DMXL2: variants seen among roughly 807,000 people sequenced by gnomAD.
DMXL2 encodes the protein dmX-like protein 2.
Under a neutral mutation model 331.1 loss-of-function variants are expected in DMXL2, and 103 were observed. The ratio of observed to expected loss-of-function variants is 0.31; its 90% confidence interval spans 0.27 to 0.37. The LOEUF (loss-of-function observed/expected upper bound fraction) is 0.37. Among genes scored for constraint, DMXL2 ranks in the 10% least tolerant of loss-of-function variants. The pLI is 1.00. For missense variants in DMXL2, 3,171 were observed against 3,642.9 expected (o/e 0.87, Z 3.33); for synonymous variants, 1,281 against 1,252.1 (o/e 1.02, Z -0.49).
rs3078066 is a variant in DMXL2 at position 51,576,183 on chromosome 15, TA to T, written c.88-3del. On this transcript the variant is annotated splice_region_variant and splice_polypyrimidine_tract_variant and intron_variant, in intron 1 of 43. Transcript: ENST00000560891. ...AATATCACAGCCTGATCCATATGCC[TA>T]AAAAAAAAAAAAAAAAAAAGTTTTA... The T allele has an allele frequency of 0.22, 135,615 of 611,148 alleles. 69 individuals carry two copies. Among genetic ancestry groups the T allele is most frequent in the Middle Eastern group, 0.25 (487 of 1,976 alleles). The allele number at this position is 611,148 out of a possible 1,614,324, so 37.9% of individuals were successfully genotyped here. A position where few individuals can be genotyped will look rare whatever the true frequency, so the allele number is the denominator to read the frequency against.
chr15:51,514,423 G>T lies in DMXL2; in HGVS notation c.2644+19C>A. On this transcript the variant is annotated intron_variant, in intron 15 of 43. Coordinates refer to ENST00000560891, the MANE Select transcript of DMXL2 (RefSeq NM_001378457.1). ...TTTAGCATGAAGGTAAACAAATGCA[G>T]ACTATTTTTTTAAAGTACCTTGTGA... 7.3e-7 allele frequency: 1 copy of T among 1,362,368 alleles called. No individual in the cohort carries two copies. The highest frequency in any genetic ancestry group is 1.3e-5 in the South Asian group (1 of 79,668). 84.4% of individuals were successfully genotyped at this position (1,362,368 alleles called of 1,614,324 possible). A position where few individuals can be genotyped will look rare whatever the true frequency, so the allele number is the denominator to read the frequency against.
At chr15:51,580,285 A>G (rs550969606) in intron 1 of DMXL2, among the ~76,000 whole-genome samples, 3 of 152,312 alleles carry the variant, frequency 2.0e-5, no homozygotes, top group South Asian at 4.1e-4. Flanking sequence ...GGTGTTCGTT[A>G]AGACTACAAG....
rs780948604 is a variant in DMXL2 at position 51,576,007 on chromosome 15, A to C, written c.213+49T>G. The C allele has an allele frequency of 2.6e-6, 4 of 1,529,862 alleles. No individual in the cohort carries two copies. In the South Asian group the frequency reaches 4.6e-5, roughly 18 times the overall value. The allele number at this position is 1,529,862 out of a possible 1,614,324, so 94.8% of individuals were successfully genotyped here. ...AAAAGGATAAGAAGATTCTGAGATTATTAAACACATTTTTAAATGACATTC... is the reference window on the plus strand; with the variant it reads ...AAAAGGATAAGAAGATTCTGAGATTCTTAAACACATTTTTAAATGACATTC... On this transcript the variant is annotated intron_variant, in intron 2 of 43. Coordinates refer to ENST00000560891, the MANE Select transcript of DMXL2 (RefSeq NM_001378457.1).
intron 23 of DMXL2, among the ~76,000 whole-genome samples, chr15:51,482,795 A>C (rs2042108363): frequency 6.6e-6 from 1 of 152,236 alleles, no homozygotes; most frequent in African/African-American, 2.4e-5. Flanking sequence ...ATAAACCAAG[A>C]GAATGATGCC....
intron 31 of DMXL2, among the ~76,000 whole-genome samples, chr15:51,465,154 A>C (rs138406309): frequency 9.2e-4 from 140 of 152,268 alleles, no homozygotes; most frequent in African/African-American, 3.3e-3. Flanking sequence ...TCAGCACTTT[A>C]GGAGGCCAAG....
chr15:51,532,549 C>T (rs2048063416), intron 13 of DMXL2, among the ~76,000 whole-genome samples: 1 of 152,088 alleles, frequency 6.6e-6, no homozygotes, highest in Non-Finnish European at 1.5e-5. Flanking sequence ...ATTTGTAACA[C>T]AAAGGATAAA....
At chr15:51,608,242 A>T (rs1040347391) in intron 1 of DMXL2, among the ~76,000 whole-genome samples, 2 of 152,140 alleles carry the variant, frequency 1.3e-5, no homozygotes, top group African/African-American at 4.8e-5. Flanking sequence ...CAGCAATCCC[A>T]TTATTGGGTA....
At chr15:51,449,253 G>C in intron 43 of DMXL2, 60 bp from the exon 44 acceptor site, 1 of 1,553,930 alleles carries the variant, frequency 6.4e-7, no homozygotes, top group Middle Eastern at 1.7e-4. Context: ...CAAAAACATG[G>C]CCCTTCTGCT....
At chr15:51,460,176 A>G (rs1446079969) in intron 33 of DMXL2, 1 of 986,784 alleles carries the variant, frequency 1.0e-6, no homozygotes, top group African/African-American at 1.7e-5. Flanking sequence ...TAACTCAGTA[A>G]TTTGCTCCCG....
intron 1 of DMXL2, among the ~76,000 whole-genome samples, chr15:51,618,618 T>C (rs1481288659): frequency 1.3e-5 from 2 of 152,196 alleles, no homozygotes; most frequent in African/African-American, 4.8e-5. Context: ...AGGTAATGTT[T>C]GCATATTATA....
At chr15:51,474,626 C>T in intron 27 of DMXL2, 34 bp from the exon 28 acceptor site, 1 of 1,528,722 alleles carries the variant, frequency 6.5e-7, no homozygotes, top group Non-Finnish European at 8.8e-7. Flanking sequence ...AGACGTATGT[C>T]AGGATGAAGC....
At chr15:51,473,076 T>C (rs1388654704) in intron 28 of DMXL2, among the ~76,000 whole-genome samples, 3 of 152,184 alleles carry the variant, frequency 2.0e-5, no homozygotes, top group African/African-American at 7.2e-5. Context: ...GACCTTTGCA[T>C]TCATCTGCCT....
chr15:51,474,410 C>T lies in DMXL2; in HGVS notation c.7147G>A (p.Ala2383Thr). ...AAHPLNNRMW[A>T]AVFGGGVKLV... Reference sequence around the variant, plus strand: ...TTTACACCGCCTCCAAAAACAGCAGCCCACATTCGATTATTTAATGGGTGG... The same window carrying T: ...TTTACACCGCCTCCAAAAACAGCAGTCCACATTCGATTATTTAATGGGTGG... Residue 2383 changes from alanine (A) to threonine (T), a missense_variant, in exon 28 of 44, where the codon GCT becomes ACT. Coordinates refer to ENST00000560891, the MANE Select transcript of DMXL2 (RefSeq NM_001378457.1). The T allele has an allele frequency of 3.1e-6, 5 of 1,614,140 alleles. No individual in the cohort carries two copies. The South Asian group carries it at 5.5e-5, about 18-fold the overall frequency.
At chr15:51,456,451 T>C (rs1468070842) in intron 37 of DMXL2, 82 bp from the exon 38 acceptor site, 2 of 856,804 alleles carry the variant, frequency 2.3e-6, no homozygotes, top group African/African-American at 1.7e-5. Context: ...AATTCTGACA[T>C]TTATTCTCTT....
chr15:51,465,300 T>G (rs895327517), intron 31 of DMXL2, among the ~76,000 whole-genome samples: 1 of 151,978 alleles, frequency 6.6e-6, no homozygotes, highest in Non-Finnish European at 1.5e-5. Context: ...GAGACTGAGG[T>G]GGGAGGATGG....
intron 42 of DMXL2, chr15:51,450,595 C>G: frequency 2.2e-6 from 1 of 463,836 alleles, no homozygotes; most frequent in Non-Finnish European, 3.9e-6. Context: ...AAGTTTAAAC[C>G]TTAAGCCCTA....
intron 6 of DMXL2, among the ~76,000 whole-genome samples, chr15:51,553,212 T>A (rs1468358298): frequency 6.6e-6 from 1 of 152,206 alleles, no homozygotes; most frequent in African/African-American, 2.4e-5. Context: ...AAAAGCCTTG[T>A]CTATCATCTT....
Position 51,480,890 on chromosome 15 carries a change from T to G in DMXL2, c.6216A>C (p.Gln2072His). Residue 2072 changes from glutamine (Q) to histidine (H), a missense_variant, in exon 24 of 44, where the codon CAA becomes CAC. Coordinates refer to ENST00000560891, the MANE Select transcript of DMXL2 (RefSeq NM_001378457.1). The stretch of plus-strand genomic sequence containing the variant: ...TTTCCTTTTCAAGCCAGTTATAGAG[T>G]TGAAATCTGAGTTTTCCTCCATCTA... The part of the protein sequence containing the change: ...YEVDGGKLRF[Q>H]LYNWLEKEIA... 1.2e-6 allele frequency: 2 copies of G among 1,612,824 alleles called. No individual in the cohort carries two copies. Among genetic ancestry groups the G allele is most frequent in the South Asian group, 2.2e-5 (2 of 90,860 alleles).
intron 1 of DMXL2, among the ~76,000 whole-genome samples, chr15:51,593,900 G>C (rs952969705): frequency 1.1e-4 from 16 of 152,246 alleles, no homozygotes; most frequent in African/African-American, 3.1e-4. Context: ...AGAATCTCTG[G>C]GACACATTCA....
Sources: gnomAD v4.1 joint callset for allele counts (sites outside exome capture counted in the v4.1 genomes callset) on GRCh38, gnomAD v4.1.1 for gene constraint, MANE v1.5 for transcripts, NCBI Gene and HGNC (gene_info 2026-07-23, HGNC 2026-07-21) for gene names.